The following SYCP2 variants were observed in gnomAD, a reference collection of about 807,000 sequenced individuals.
The protein encoded by SYCP2 is synaptonemal complex lateral element protein.
A neutral mutation model predicts 211.3 loss-of-function variants in SYCP2; 55 were observed. That is an observed-to-expected ratio of 0.26 (90% CI 0.21 to 0.33). SYCP2 has a LOEUF of 0.33. Ranked by LOEUF, SYCP2 falls within the 10% of genes least tolerant of loss-of-function variation. The probability of loss-of-function intolerance (pLI) is 1.00; values close to 1 mark genes in which losing one functional copy is unlikely to be tolerated. For missense variants in SYCP2, 1,731 were observed against 1,752.0 expected (o/e 0.99, Z 0.21); for synonymous variants, 570 against 555.2 (o/e 1.03, Z -0.37).
At position 59,877,299 on chromosome 20, in the gene SYCP2, C is replaced by G. The variant is rs921016222; in HGVS notation, c.3150+86G>C. The G allele has an allele frequency of 2.2e-5, 20 of 917,942 alleles. No individual in the cohort carries two copies. The South Asian group carries it at 5.6e-4, about 26-fold the overall frequency. 56.9% of individuals were successfully genotyped at this position (917,942 alleles called of 1,614,324 possible). ...AAAGAAGTTAACTCTTAAGAAGTAACAGGATAAATTTGACATTTTTTACAA... is the reference window on the plus strand; with the variant it reads ...AAAGAAGTTAACTCTTAAGAAGTAAGAGGATAAATTTGACATTTTTTACAA... On this transcript the variant is annotated intron_variant, in intron 33 of 44. Transcript: ENST00000357552.
intron 36 of SYCP2, 39 bp downstream of exon 36, chr20:59,869,759 A>G: frequency 1.6e-6 from 2 of 1,275,770 alleles, no homozygotes; most frequent in Non-Finnish European, 2.2e-6. Context: ...GAACCATCTT[A>G]GTGTAAGGAA....
Position 59,875,314 on chromosome 20 carries a change from G to C in SYCP2, c.3306C>G (p.Pro1102=). The change falls in exon 34 of 45, where the codon CCC becomes CCG. Residue 1102 remains proline, a synonymous_variant. Coordinates refer to ENST00000357552, the MANE Select transcript of SYCP2 (RefSeq NM_014258.4). ...ATGATGGACTGCCAGATAAAGATCTGGGAGATAAGTCAAGGCAATTATCTC... is the reference window on the plus strand; with the variant it reads ...ATGATGGACTGCCAGATAAAGATCTCGGAGATAAGTCAAGGCAATTATCTC... ...AIRDNCLDLS[P]RSLSGSPSSI... 4 of 1,610,726 alleles carry C rather than the reference G, an allele frequency of 2.5e-6. No individual in the cohort carries two copies. Among genetic ancestry groups the C allele is most frequent in the Non-Finnish European group, 3.4e-6 (4 of 1,178,146 alleles).
chr20:59,908,918 G>T (rs1324166304), intron 14 of SYCP2, among the ~76,000 whole-genome samples: 2 of 152,016 alleles, frequency 1.3e-5, no homozygotes, highest in Non-Finnish European at 2.9e-5. Context: ...TCCTTAACTT[G>T]ATGTCTTTAC....
At position 59,892,640 on chromosome 20, in the gene SYCP2, T is replaced by A; in HGVS notation, c.1855A>T (p.Thr619Ser). The change falls in exon 23 of 45, where the codon ACA becomes TCA. Residue 619 changes from threonine to serine, a missense_variant. This residue lies in a region of SYCP2 where 1,387 missense variants were observed against 1,351.3 expected (regional missense o/e 1.03). Transcript: ENST00000357552. Reference protein sequence around the residue: ...NKIHSKWACWTPVTNIELCNN... With the variant: ...NKIHSKWACWSPVTNIELCNN... ...CATAGTTCAATGTTTGTTACAGGTGTCCAACATGCCCATTTGCTGTGTATT... is the reference window on the plus strand; with the variant it reads ...CATAGTTCAATGTTTGTTACAGGTGACCAACATGCCCATTTGCTGTGTATT... The A allele has an allele frequency of 6.2e-7, 1 of 1,610,762 alleles. No homozygotes were observed. The highest frequency in any genetic ancestry group is 8.5e-7 in the Non-Finnish European group (1 of 1,178,142).
intron 4 of SYCP2, among the ~76,000 whole-genome samples, chr20:59,920,870 C>T (rs1373397623): frequency 6.6e-6 from 1 of 151,422 alleles, no homozygotes; most frequent in East Asian, 1.9e-4. Context: ...TCAATAATCA[C>T]CTTTTCTCAT....
At chr20:59,873,107 A>G (rs1352535305) in intron 35 of SYCP2, among the ~76,000 whole-genome samples, 1 of 152,090 alleles carries the variant, frequency 6.6e-6, no homozygotes, top group Non-Finnish European at 1.5e-5. Context: ...TATACTATGC[A>G]CAGATTTCTT....
chr20:59,886,353 A>C (rs764168970), intron 25 of SYCP2, among the ~76,000 whole-genome samples: 73 of 152,164 alleles, frequency 4.8e-4, no homozygotes, highest in Non-Finnish European at 8.4e-4. Flanking sequence ...AAAAAAACTC[A>C]TATCTGGTTA....
chr20:59,905,019 A>G (rs2060188318), intron 15 of SYCP2, among the ~76,000 whole-genome samples: 1 of 152,194 alleles, frequency 6.6e-6, no homozygotes, highest in Non-Finnish European at 1.5e-5. Context: ...AACTAAGCAA[A>G]TATGTCTGCT....
intron 7 of SYCP2, 141 bp downstream of exon 7, chr20:59,919,017 C>A: frequency 2.2e-6 from 1 of 452,860 alleles, no homozygotes; most frequent in Non-Finnish European, 4.1e-6. Context: ...ATTATCTGGC[C>A]CTTTACAGTA....
In SYCP2 at chr20:59,865,671, G is replaced by A. The variant is rs948131994; in HGVS notation, c.4380-20C>T. The A allele has an allele frequency of 4.6e-6, 7 of 1,520,558 alleles. No homozygotes were observed. The African/African-American group carries it at 9.8e-5, about 21-fold the overall frequency. 94.2% of individuals were successfully genotyped at this position (1,520,558 alleles called of 1,614,324 possible). A position where few individuals can be genotyped will look rare whatever the true frequency, so the allele number is the denominator to read the frequency against. On this transcript the variant is annotated intron_variant, in intron 42 of 44. Coordinates refer to ENST00000357552, the MANE Select transcript of SYCP2 (RefSeq NM_014258.4). ...TGAAGCCTAAGAAGTAAAATAATGA[G>A]TTAACCTTGTATTTATCAATAATTC...
chr20:59,865,074 T>G (rs1163365576), intron 44 of SYCP2, among the ~76,000 whole-genome samples: 1 of 152,012 alleles, frequency 6.6e-6, no homozygotes, highest in Non-Finnish European at 1.5e-5. Flanking sequence ...ATTTTCTCCT[T>G]CAGAAGACAC....
intron 35 of SYCP2, among the ~76,000 whole-genome samples, chr20:59,871,656 A>G (rs1408706046): frequency 1.3e-5 from 2 of 151,968 alleles, no homozygotes; most frequent in African/African-American, 4.8e-5. Flanking sequence ...GTGGATATCA[A>G]AATCAGAAGA....
At chr20:59,875,176 C>T in intron 34 of SYCP2, 95 bp downstream of exon 34, 2 of 717,060 alleles carry the variant, frequency 2.8e-6, no homozygotes, top group Non-Finnish European at 4.4e-6. Flanking sequence ...TTATAAATAC[C>T]CCTCAAAATT....
At chr20:59,879,374 T>C (rs1299960064) in intron 31 of SYCP2, among the ~76,000 whole-genome samples, 1 of 149,920 alleles carries the variant, frequency 6.7e-6, no homozygotes, top group African/African-American at 2.4e-5. Context: ...AAGATTCAGC[T>C]TCATTTCTAA....
intron 35 of SYCP2, among the ~76,000 whole-genome samples, chr20:59,873,546 T>C (rs993107684): frequency 1.3e-5 from 2 of 152,188 alleles, no homozygotes; most frequent in Non-Finnish European, 2.9e-5. Flanking sequence ...TCTTATTTAA[T>C]ATTATCAGAC....
chr20:59,897,310 A>C (rs747748353), intron 18 of SYCP2, among the ~76,000 whole-genome samples: 4 of 152,208 alleles, frequency 2.6e-5, no homozygotes, highest in Non-Finnish European at 4.4e-5. Flanking sequence ...AGATAAAAGA[A>C]AATTCTAAGA....
intron 31 of SYCP2, among the ~76,000 whole-genome samples, chr20:59,879,836 TATATATATATATATATATATATATATAC>T (rs2059636234): frequency 1.1e-5 from 1 of 88,166 alleles, no homozygotes; most frequent in African/African-American, 5.5e-5. Context: ...TATATATATA[TATATATATATATATATATATATATATAC>T]ACACACACAC....
At position 59,892,134 on chromosome 20, in the gene SYCP2, C is replaced by T. The variant is rs572001592; in HGVS notation, c.2220G>A (p.Arg740=). ...NKTIEESLIY[R]KKYILSKDVN... ...CATCTTTTGACAATATGTATTTCTT[C>T]CTATATATCAGCGATTCTTCAATTG... The change falls in exon 24 of 45, where the codon AGG becomes AGA. Residue 740 remains arginine (R), a synonymous_variant. Transcript: ENST00000357552. 2.0e-5 allele frequency: 32 copies of T among 1,612,068 alleles called. 1 individual carries two copies. The South Asian group carries it at 2.9e-4, about 14-fold the overall frequency.
At chr20:59,887,016 T>C (rs971327064) in intron 24 of SYCP2, among the ~76,000 whole-genome samples, 182 bp from the exon 25 acceptor site, 6 of 152,092 alleles carry the variant, frequency 3.9e-5, no homozygotes, top group African/African-American at 1.4e-4. Flanking sequence ...ATTTTTTTTA[T>C]TATACTTTAA....
Sources: allele counts gnomAD v4.1 joint callset (sites outside exome capture counted in the v4.1 genomes callset), GRCh38; gene constraint gnomAD v4.1.1; regional missense constraint gnomAD v4.1.1; transcripts MANE v1.5; gene names NCBI Gene and HGNC (gene_info 2026-07-23, HGNC 2026-07-21).